C1orf87: variants seen among roughly 807,000 people sequenced by gnomAD.
The protein encoded by C1orf87 is uncharacterized protein C1orf87.
A neutral mutation model predicts 60.5 loss-of-function variants in C1orf87; 58 were observed. The ratio of observed to expected loss-of-function variants is 0.96; its 90% confidence interval spans 0.78 to 1.19. The LOEUF is 1.19. Ranked by LOEUF, C1orf87 falls within the 50% of genes most tolerant of loss-of-function variation. The probability of loss-of-function intolerance (pLI) is 0.00; values close to 1 mark genes in which losing one functional copy is unlikely to be tolerated. For synonymous variants in C1orf87, 236 were observed against 227.4 expected (o/e 1.04, Z -0.34); for missense variants, 673 against 638.6 (o/e 1.05, Z -0.58).
chr1:60,040,943 CT>C, intron 4 of C1orf87, 47 bp downstream of exon 4: 2 of 1,514,900 alleles, frequency 1.3e-6, no homozygotes, highest in Non-Finnish European at 1.8e-6. Flanking sequence ...GTCAACAACA[CT>C]CCTTCATCTA....
At position 60,010,434 on chromosome 1, in the gene C1orf87, G is replaced by A. The variant is rs961332794; in HGVS notation, c.1150C>T (p.Leu384=). ...AACAAATCAGAAGAAGCTCTGGTCA[G>A]CATCTCAACAAAATTCTGCCATCTG... ...EIKWQNFVEM[L]TRASSDLLSD... Residue 384 remains leucine (L), a synonymous_variant, in exon 9 of 12, where the codon CTG becomes TTG. Transcript: ENST00000371201. 1.9e-6 allele frequency: 3 copies of A among 1,612,328 alleles called. No individual in the cohort carries two copies. The highest frequency in any genetic ancestry group is 2.7e-5 in the African/African-American group (2 of 74,764).
At chr1:60,043,826 G>A (rs1331591549) in intron 3 of C1orf87, among the ~76,000 whole-genome samples, 1 of 151,888 alleles carries the variant, frequency 6.6e-6, no homozygotes, top group African/African-American at 2.4e-5. Flanking sequence ...TTCTATGATA[G>A]TGTTTTAAAG....
chr1:60,004,844 G>T (rs924872459), intron 9 of C1orf87, among the ~76,000 whole-genome samples: 1 of 151,916 alleles, frequency 6.6e-6, no homozygotes, highest in African/African-American at 2.4e-5. Context: ...TGATAGTTAC[G>T]TAGCCAGCGC....
chr1:60,057,666 A>C (rs1169851012), intron 2 of C1orf87, among the ~76,000 whole-genome samples: 1 of 152,222 alleles, frequency 6.6e-6, no homozygotes, highest in African/African-American at 2.4e-5. Context: ...AAATTAGTAC[A>C]TTTGATGACA....
At position 60,025,517 on chromosome 1, in the gene C1orf87, T is replaced by A. The variant is rs763799948; in HGVS notation, c.1030-19A>T. ...CCCTGACCTACAAGTTAAAAAAAAA[T>A]AAAAAAGATTTGATGTTTCACTAGG... On this transcript the variant is annotated intron_variant, in intron 7 of 11. Transcript: ENST00000371201. 4.6e-6 allele frequency: 7 copies of A among 1,534,650 alleles called. No individual in the cohort carries two copies. The highest frequency in any genetic ancestry group is 2.0e-5 in the Admixed American group (1 of 48,786).
chr1:60,052,499 A>C lies in C1orf87; in HGVS notation c.342+2705T>G, dbSNP rs146146362. 1.6e-4 allele frequency among the ~76,000 whole-genome samples: 24 copies of C among 152,278 alleles called. No homozygotes were observed. In the East Asian group the frequency reaches 4.6e-3, roughly 29 times the overall value. ...GTGAAAGGAAGGTTTGTACTTGTTT[A>C]TTTGTAAGATATCTCACTGTTCTTA... On this transcript the variant is annotated intron_variant, in intron 3 of 11. Coordinates refer to ENST00000371201, the MANE Select transcript of C1orf87 (RefSeq NM_152377.3).
In C1orf87 at chr1:60,036,768, G is replaced by A. The variant is rs145687181; in HGVS notation, c.863+1224C>T. On this transcript the variant is annotated intron_variant, in intron 6 of 11. Transcript: ENST00000371201. The stretch of plus-strand genomic sequence containing the variant: ...ACATGAAAATATTATACTTTATTGC[G>A]TTTCATTTCTGATTATATTCCTCAC... Among the ~76,000 whole-genome samples, 311 of 152,144 alleles carry A rather than the reference G, an allele frequency of 2.0e-3. 1 individual carries two copies. The highest frequency in any genetic ancestry group is 6.9e-3 in the African/African-American group (288 of 41,514).
intron 5 of C1orf87, 120 bp from the exon 6 acceptor site, chr1:60,038,227 A>G: frequency 1.9e-6 from 1 of 520,026 alleles, no homozygotes. Context: ...AACACTTAAA[A>G]ATATAGTATC....
chr1:60,058,216 G>A (rs1018212878), intron 2 of C1orf87, among the ~76,000 whole-genome samples: 2 of 152,178 alleles, frequency 1.3e-5, no homozygotes, highest in Admixed American at 6.5e-5. Flanking sequence ...GAGGGGAGAT[G>A]TATAGCCCAG....
At chr1:60,004,478 A>T (rs903420397) in intron 9 of C1orf87, among the ~76,000 whole-genome samples, 1 of 152,018 alleles carries the variant, frequency 6.6e-6, no homozygotes, top group Non-Finnish European at 1.5e-5. Context: ...TCCTTTTAAA[A>T]ATAAGATCTA....
At chr1:60,058,410 A>T (rs2100322867) in intron 2 of C1orf87, among the ~76,000 whole-genome samples, 1 of 152,346 alleles carries the variant, frequency 6.6e-6, no homozygotes, top group South Asian at 2.1e-4. Flanking sequence ...AATTTACATA[A>T]GTTATATGAA....
chr1:60,049,695 A>C (rs1454419660), intron 3 of C1orf87, among the ~76,000 whole-genome samples: 1 of 152,082 alleles, frequency 6.6e-6, no homozygotes, highest in Non-Finnish European at 1.5e-5. Context: ...GAAATCACTC[A>C]TGTTTACTTG....
intron 1 of C1orf87, among the ~76,000 whole-genome samples, chr1:60,073,419 A>G (rs1434588593): frequency 1.3e-5 from 2 of 152,216 alleles, no homozygotes; most frequent in Non-Finnish European, 2.9e-5. Context: ...ACTAAGGCCC[A>G]GAGAGGGTGT....
intron 3 of C1orf87, among the ~76,000 whole-genome samples, chr1:60,044,917 G>A (rs1314790733): frequency 2.6e-5 from 4 of 152,144 alleles, no homozygotes; most frequent in Admixed American, 2.0e-4. Context: ...TTGCCTAAAA[G>A]AACTGGTACA....
intron 2 of C1orf87, among the ~76,000 whole-genome samples, chr1:60,064,331 A>AT (rs1471030305): frequency 7.2e-6 from 1 of 139,100 alleles, no homozygotes; most frequent in Admixed American, 7.6e-5. Context: ...TATATTATAT[A>AT]TACTATATAT....
At chr1:60,027,377 T>TC (rs1282502017) in intron 7 of C1orf87, among the ~76,000 whole-genome samples, 13 of 152,106 alleles carry the variant, frequency 8.5e-5, no homozygotes, top group African/African-American at 3.1e-4. Context: ...CTCTGCCCAT[T>TC]CCCCACAAAA....
Position 60,050,161 on chromosome 1 carries a change from C to T in C1orf87, c.342+5043G>A, listed in dbSNP as rs554548389. ...TTGTAAAACAAAACAAAATAAAAAC[C>T]GAACACTATTTTTTTGTTGGAATCC... is the stretch of plus-strand genomic sequence containing the variant. On this transcript the variant is annotated intron_variant, in intron 3 of 11. Coordinates refer to ENST00000371201, the MANE Select transcript of C1orf87 (RefSeq NM_152377.3). Among the ~76,000 whole-genome samples, 27 of 151,962 alleles carry T rather than the reference C, an allele frequency of 1.8e-4. No homozygotes were observed. In the East Asian group the frequency reaches 3.9e-3, roughly 22 times the overall value.
rs1353637768 is a variant in C1orf87, at chr1:59,990,794, T to C, written c.1520A>G (p.Asn507Ser). 12 of 1,613,864 alleles carry C rather than the reference T, an allele frequency of 7.4e-6. No individual in the cohort carries two copies. Among genetic ancestry groups the C allele is most frequent in the Non-Finnish European group, 1.0e-5 (12 of 1,179,952 alleles). The change falls in exon 12 of 12, where the codon AAC (asparagine) becomes AGC (serine). Residue 507 changes from asparagine to serine, a missense_variant. Transcript: ENST00000371201. ...GGACAGGTTGTAAATGAGATTGTAG[T>C]TGTGAATGAGGCGTCTGGCTCGTTC... ...EKERARRLIH[N>S]YNLIYNLSLS...
chr1:60,044,536 C>T (rs888530403), intron 3 of C1orf87, among the ~76,000 whole-genome samples: 4 of 151,998 alleles, frequency 2.6e-5, no homozygotes, highest in Non-Finnish European at 4.4e-5. Context: ...TGGCTGACAC[C>T]CCCCCACATC....
Sources: gnomAD v4.1 joint callset for allele counts (sites outside exome capture counted in the v4.1 genomes callset) on GRCh38, gnomAD v4.1.1 for gene constraint, MANE v1.5 for transcripts, NCBI Gene and HGNC (gene_info 2026-07-23, HGNC 2026-07-21) for gene names.